The following POLA2 variants were observed in gnomAD, a reference collection of about 807,000 sequenced individuals.
The protein encoded by POLA2 is DNA polymerase alpha 2, accessory subunit.
In POLA2, 47 loss-of-function variants were observed where a neutral mutation model predicts 82.8. That is an observed-to-expected ratio of 0.57 (90% confidence interval 0.45 to 0.72). The LOEUF is 0.72. Among genes scored for constraint, POLA2 ranks in the 30% least tolerant of loss-of-function variants. The pLI is 0.00. For synonymous variants in POLA2, 287 were observed against 286.8 expected, an observed-to-expected ratio of 1.00 and a Z score of -0.01; for missense variants, 634 against 728.1, an observed-to-expected ratio of 0.87 and a Z score of 1.49.
intron 1 of POLA2, among the ~76,000 whole-genome samples, chr11:65,264,932 C>T (rs1949441929): frequency 6.6e-6 from 1 of 152,314 alleles, no homozygotes; most frequent in Middle Eastern, 3.4e-3. Context: ...CCAATTACAG[C>T]AGACCTCAAA....
intron 4 of POLA2, 59 bp from the exon 5 acceptor site, chr11:65,275,833 C>A: frequency 1.1e-6 from 1 of 945,256 alleles, no homozygotes; most frequent in Non-Finnish European, 1.7e-6. Context: ...AGGTACTATA[C>A]ACTTAATTAG....
chr11:65,268,515 A>T (rs1338012075), intron 3 of POLA2, among the ~76,000 whole-genome samples, 157 bp from the exon 4 acceptor site: 1 of 149,622 alleles, frequency 6.7e-6, no homozygotes, highest in African/African-American at 2.5e-5. Flanking sequence ...AATTTTTTGT[A>T]TTTTTTTTAG....
At chr11:65,302,801 C>T (rs754701826), downstream of POLA2, among the ~76,000 whole-genome samples, 4 of 151,824 alleles carry the variant, frequency 2.6e-5, no homozygotes, top group Non-Finnish European at 5.9e-5. Context: ...CATCACAGCT[C>T]GCTGCAGCCT....
rs117341061 is a variant in POLA2, at chr11:65,298,428, C to T, written c.*1159C>T. 634 of 152,430 alleles carry T rather than the reference C, an allele frequency of 4.2e-3. 3 individuals are homozygous for T. Among genetic ancestry groups the T allele is most frequent in the Non-Finnish European group, 6.8e-3 (463 of 68,090 alleles). 9.4% of individuals were successfully genotyped at this position (152,430 alleles called of 1,614,324 possible). A position where few individuals can be genotyped will look rare whatever the true frequency, so the allele number is the denominator to read the frequency against. On this transcript the variant is annotated 3_prime_UTR_variant, in exon 18 of 18. Coordinates refer to ENST00000265465, the MANE Select transcript of POLA2 (RefSeq NM_002689.4). ...GCATCTGGGGAAAAGCTGTCACTGG[C>T]CAGACGTGGAGTGGCTTCCTGCCCT...
downstream of POLA2, among the ~76,000 whole-genome samples, chr11:65,300,480 G>A (rs1949853792): frequency 6.6e-6 from 1 of 152,200 alleles, no homozygotes; most frequent in Admixed American, 6.5e-5. Context: ...TAGAACTCCT[G>A]ACCTCAGGTG....
chr11:65,279,196 A>G (rs1949614045), intron 6 of POLA2, among the ~76,000 whole-genome samples: 1 of 152,224 alleles, frequency 6.6e-6, no homozygotes, highest in South Asian at 2.1e-4. Context: ...AAAGATATTC[A>G]TGGTTCCTTC....
At position 65,295,553 on chromosome 11, in the gene POLA2, T is replaced by C. The variant is rs1220325560; in HGVS notation, c.1474T>C (p.Ser492Pro). 1 of 1,613,832 alleles carries C rather than the reference T, an allele frequency of 6.2e-7. No homozygotes were observed. The highest frequency in any genetic ancestry group is 8.5e-7 in the Non-Finnish European group (1 of 1,179,912). Residue 492 changes from serine to proline, a missense_variant, in exon 16 of 18, where the codon TCA (serine) becomes CCA (proline). Ser to Pro is a moderately conservative substitution (Grantham distance 74). Transcript: ENST00000265465. ...TTTCTTTCCCAGTTCTTCCGGAACT[T>C]CAGACAGATTCAGCCGAATACTCAA... is the stretch of plus-strand genomic sequence containing the variant. ...AEEISSSSGT[S>P]DRFSRILKHI...
rs373086775 is a variant in POLA2 at position 65,297,141 on chromosome 11, G to A, written c.1669G>A (p.Val557Met). 3.2e-5 allele frequency: 52 copies of A among 1,613,942 alleles called. No homozygotes were observed. Among genetic ancestry groups the A allele is most frequent in the Non-Finnish European group, 5.1e-6 (6 of 1,180,008 alleles). ...CCAGGATGTCCTCGGCTGTGTCTGT[G>A]TGAACCCTGGGCGCCTTACCAAAGG... ...FVKDVLGCVCVNPGRLTKGQV... is the reference protein window; with the variant it reads ...FVKDVLGCVCMNPGRLTKGQV... Residue 557 changes from valine to methionine, a missense_variant, in exon 18 of 18, where the codon GTG becomes ATG. Physicochemically the swap from Val to Met is conservative, Grantham distance 21 (BLOSUM62 1). Coordinates refer to ENST00000265465, the MANE Select transcript of POLA2 (RefSeq NM_002689.4).
intron 9 of POLA2, among the ~76,000 whole-genome samples, 162 bp downstream of exon 9, chr11:65,281,894 C>G (rs1949645533): frequency 6.6e-6 from 1 of 152,152 alleles, no homozygotes; most frequent in African/African-American, 2.4e-5. Flanking sequence ...GTCAGCAAAC[C>G]CTTTCTATAA....
At chr11:65,270,516 T>G (rs1372691644) in intron 4 of POLA2, among the ~76,000 whole-genome samples, 1 of 152,226 alleles carries the variant, frequency 6.6e-6, no homozygotes, top group Non-Finnish European at 1.5e-5. Flanking sequence ...CTATAACTCA[T>G]TTGATTTTCC....
chr11:65,291,996 TAGGAGACTG>T (rs1949759846), intron 13 of POLA2, among the ~76,000 whole-genome samples: 1 of 152,202 alleles, frequency 6.6e-6, no homozygotes, highest in Non-Finnish European at 1.5e-5. Context: ...CCCAGCACTT[TAGGAGACTG>T]AGGCGGGCAG....
intron 8 of POLA2, among the ~76,000 whole-genome samples, chr11:65,304,906 A>T (rs777872213): frequency 4.6e-5 from 7 of 152,174 alleles, no homozygotes; most frequent in Admixed American, 1.3e-4. Flanking sequence ...GTTTTTGTCT[A>T]TCACCATGTG....
chr11:65,270,083 C>T (rs1478827779), intron 4 of POLA2, among the ~76,000 whole-genome samples: 4 of 152,238 alleles, frequency 2.6e-5, no homozygotes, highest in Admixed American at 6.5e-5. Flanking sequence ...CCACCTGCCT[C>T]GGCCTCCAAA....
intron 9 of POLA2, 105 bp from the exon 10 acceptor site, chr11:65,282,374 C>A: frequency 1.1e-6 from 1 of 873,908 alleles, no homozygotes. Flanking sequence ...TCCCCACTGT[C>A]CTCCCATCAC....
chr11:65,278,492 C>T (rs1949604090), intron 5 of POLA2, among the ~76,000 whole-genome samples: 1 of 152,194 alleles, frequency 6.6e-6, no homozygotes, highest in African/African-American at 2.4e-5. Context: ...AAATACGTTT[C>T]TGTCTCTAAA....
intron 10 of POLA2, 134 bp from the exon 11 acceptor site, chr11:65,287,582 C>A: frequency 1.4e-6 from 1 of 714,454 alleles, no homozygotes; most frequent in Non-Finnish European, 2.3e-6. Flanking sequence ...TCTTCCTTAC[C>A]TTGGGTCCCC....
At chr11:65,299,755 G>A (rs1320070886), downstream of POLA2, among the ~76,000 whole-genome samples, 23 of 151,886 alleles carry the variant, frequency 1.5e-4, no homozygotes, top group Non-Finnish European at 2.4e-4. Context: ...GCAGTGGCGC[G>A]ATCTCGGCTC....
chr11:65,293,850 G>A (rs558943127), intron 13 of POLA2, among the ~76,000 whole-genome samples: 2 of 152,030 alleles, frequency 1.3e-5, no homozygotes, highest in African/African-American at 4.8e-5. Flanking sequence ...CCATTTCTTT[G>A]CCCCTTTTTC....
rs1038900417 is a variant in POLA2 at position 65,297,329 on chromosome 11, A to G, written c.*60A>G. The G allele has an allele frequency of 2.7e-6, 4 of 1,507,394 alleles. No homozygotes were observed. Among genetic ancestry groups the G allele is most frequent in the Non-Finnish European group, 3.5e-6 (4 of 1,129,686 alleles). The allele number at this position is 1,507,394 out of a possible 1,614,324, so 93.4% of individuals were successfully genotyped here. On this transcript the variant is annotated 3_prime_UTR_variant, in exon 18 of 18. Coordinates refer to ENST00000265465, the MANE Select transcript of POLA2 (RefSeq NM_002689.4). ...CCCTTAAAGTCTTAGCCAAGAGCCA[A>G]GACATAGCCCTGTGACAAGGTGAAC...
Sources: allele counts gnomAD v4.1 joint callset (sites outside exome capture counted in the v4.1 genomes callset), GRCh38; gene constraint gnomAD v4.1.1; transcripts MANE v1.5; gene names NCBI Gene and HGNC (gene_info 2026-07-23, HGNC 2026-07-21).